The following KLHL1 variants were observed in gnomAD, a reference collection of about 807,000 sequenced individuals.
KLHL1 encodes the protein kelch-like protein 1.
In KLHL1, 47 loss-of-function variants were observed where a neutral mutation model predicts 77.7. The ratio of observed to expected loss-of-function variants is 0.60; its 90% CI spans 0.48 to 0.77. The LOEUF is 0.77. Among genes scored for constraint, KLHL1 ranks in the 30% least tolerant of loss-of-function variants. The pLI, the probability that KLHL1 is intolerant of heterozygous loss-of-function variation, is 0.00. For synonymous variants in KLHL1, 360 were observed against 325.2 expected, an observed-to-expected ratio of 1.11 and a Z score of -1.15; for missense variants, 925 against 910.8, an observed-to-expected ratio of 1.02 and a Z score of -0.20.
chr13:70,025,387 CTTAT>C (rs1207283081), intron 1 of KLHL1, among the ~76,000 whole-genome samples: 3 of 151,938 alleles, frequency 2.0e-5, no homozygotes, highest in South Asian at 2.1e-4. Flanking sequence ...TGATATTTTA[CTTAT>C]TTATTATCTT....
chr13:69,818,219 C>CTTTTTTTTTTTTTTTTTTTTTTTTTTT lies in KLHL1; in HGVS notation c.1414+20756_1414+20757insAAAAAAAAAAAAAAAAAAAAAAAAAAA, dbSNP rs1316398623. On this transcript the variant is annotated intron_variant, in intron 6 of 10. Coordinates refer to ENST00000377844, the MANE Select transcript of KLHL1 (RefSeq NM_020866.3). ...AGAATTTAACTTAACTCATAGGCATCTTTTTTTTTTTTTTTTTTTTGAGAC... is the reference window on the plus strand; with the variant it reads ...AGAATTTAACTTAACTCATAGGCATCTTTTTTTTTTTTTTTTTTTTTTTTTTTTTTTTTTTTTTTTTTTTTTTGAGAC... 5.9e-4 allele frequency among the ~76,000 whole-genome samples: 67 copies of CTTTTTTTTTTTTTTTTTTTTTTTTTTT among 112,878 alleles called. 9 individuals carry two copies. The highest frequency in any genetic ancestry group is 1.0e-3 in the African/African-American group (25 of 25,110). The allele number at this position is 112,878 out of a possible 152,430, so 74.1% of individuals were successfully genotyped here. A position where few individuals can be genotyped will look rare whatever the true frequency, so the allele number is the denominator to read the frequency against.
chr13:69,955,289 AT>A (rs1883831310), intron 3 of KLHL1, among the ~76,000 whole-genome samples: 1 of 151,402 alleles, frequency 6.6e-6, no homozygotes, highest in South Asian at 2.1e-4. Flanking sequence ...GTGTATATTT[AT>A]TTCATTCAAA....
intron 2 of KLHL1, among the ~76,000 whole-genome samples, chr13:69,970,702 A>G (rs1456524439): frequency 6.6e-6 from 1 of 151,980 alleles, no homozygotes. Context: ...TCGGGGTGTG[A>G]CTCATTCTGC....
intron 6 of KLHL1, among the ~76,000 whole-genome samples, chr13:69,822,633 C>T: frequency 6.6e-6 from 1 of 152,034 alleles, no homozygotes; most frequent in Non-Finnish European, 1.5e-5. Context: ...AATTGAGACA[C>T]TTACAAAAAT....
intron 1 of KLHL1, among the ~76,000 whole-genome samples, chr13:70,024,620 T>TTCTCTCTCTCTCTCTCTCTC (rs5804459): frequency 2.0e-4 from 26 of 130,406 alleles, no homozygotes; most frequent in African/African-American, 6.8e-4. Context: ...GAGAAAAGAT[T>TTCTCTCTCTCTCTCTCTCTC]TCTCTCTCTC....
intron 1 of KLHL1, among the ~76,000 whole-genome samples, chr13:70,106,828 G>A (rs976823545): frequency 1.2e-4 from 18 of 152,250 alleles, no homozygotes; most frequent in Admixed American, 9.2e-4. Flanking sequence ...GCATTCTGAT[G>A]ATGTGTAAAG....
intron 4 of KLHL1, among the ~76,000 whole-genome samples, 153 bp downstream of exon 4, chr13:69,939,887 A>G (rs1043181294): frequency 6.6e-6 from 1 of 152,252 alleles, no homozygotes; most frequent in African/African-American, 2.4e-5. Flanking sequence ...TAGAAAATAC[A>G]TTATGGTACG....
At chr13:70,033,781 G>A (rs540172168) in intron 1 of KLHL1, among the ~76,000 whole-genome samples, 14 of 151,476 alleles carry the variant, frequency 9.2e-5, no homozygotes, top group South Asian at 8.3e-4. Context: ...CACCACAGCC[G>A]GCTAATTTTT....
intron 7 of KLHL1, among the ~76,000 whole-genome samples, chr13:69,748,039 A>C (rs186675945): frequency 6.6e-6 from 1 of 152,058 alleles, no homozygotes; most frequent in Non-Finnish European, 1.5e-5. Flanking sequence ...AAAGTTTACC[A>C]TCTCTCTACT....
intron 4 of KLHL1, among the ~76,000 whole-genome samples, chr13:69,890,634 C>CCA (rs898309801): frequency 3.4e-5 from 5 of 149,000 alleles, no homozygotes; most frequent in African/African-American, 1.3e-4. Flanking sequence ...TATTTTTCTT[C>CCA]CACACACACA....
At chr13:70,068,921 G>A (rs1452894233) in intron 1 of KLHL1, among the ~76,000 whole-genome samples, 1 of 152,078 alleles carries the variant, frequency 6.6e-6, no homozygotes, top group Non-Finnish European at 1.5e-5. Flanking sequence ...TTACTGTGAA[G>A]ATCTGAGGAA....
At chr13:70,090,511 T>C (rs1308584552) in intron 1 of KLHL1, among the ~76,000 whole-genome samples, 1 of 151,986 alleles carries the variant, frequency 6.6e-6, no homozygotes, top group Non-Finnish European at 1.5e-5. Flanking sequence ...GTATTATTGA[T>C]TGACAGGTCA....
chr13:69,880,622 G>C (rs942529813), intron 5 of KLHL1, among the ~76,000 whole-genome samples: 1 of 151,948 alleles, frequency 6.6e-6, no homozygotes. Flanking sequence ...GAACAAAAAA[G>C]CCAACAGGAC....
chr13:70,088,883 G>T (rs908182020), intron 1 of KLHL1, among the ~76,000 whole-genome samples: 1 of 151,632 alleles, frequency 6.6e-6, no homozygotes, highest in Non-Finnish European at 1.5e-5. Context: ...GGCTATTTAC[G>T]TATTTTTTAT....
At chr13:70,021,879 A>G (rs1032271972) in intron 1 of KLHL1, among the ~76,000 whole-genome samples, 4 of 151,908 alleles carry the variant, frequency 2.6e-5, no homozygotes, top group South Asian at 2.1e-4. Flanking sequence ...GGTTCTTTGT[A>G]TATTTTAAAA....
At chr13:69,855,411 G>C (rs1879868443) in intron 5 of KLHL1, among the ~76,000 whole-genome samples, 1 of 150,692 alleles carries the variant, frequency 6.6e-6, no homozygotes, top group African/African-American at 2.5e-5. Context: ...TAGAGATACA[G>C]ATAGAGATAG....
intron 10 of KLHL1, among the ~76,000 whole-genome samples, chr13:69,704,899 C>A (rs2137868878): frequency 6.6e-6 from 1 of 151,714 alleles, no homozygotes; most frequent in East Asian, 1.9e-4. Context: ...CTCAATATAT[C>A]ATTATCAATA....
chr13:70,056,336 T>C (rs1403469814), intron 1 of KLHL1, among the ~76,000 whole-genome samples: 1 of 151,996 alleles, frequency 6.6e-6, no homozygotes, highest in Non-Finnish European at 1.5e-5. Context: ...CCCAGATAAA[T>C]AAACAAATAT....
chr13:69,864,612 A>T (rs12877094), intron 5 of KLHL1, among the ~76,000 whole-genome samples: 48,376 of 151,932 alleles, frequency 0.32, 8,195 homozygotes, highest in African/African-American at 0.45. Context: ...GGTTCAAAAA[A>T]ATTCCATACT....
Sources: gnomAD v4.1 joint callset for allele counts (sites outside exome capture counted in the v4.1 genomes callset) on GRCh38, gnomAD v4.1.1 for gene constraint, MANE v1.5 for transcripts, NCBI Gene and HGNC (gene_info 2026-07-23, HGNC 2026-07-21) for gene names.